BMPR2: variants seen among roughly 807,000 people sequenced by gnomAD.
The protein encoded by BMPR2 is bone morphogenetic protein receptor type 2.
A neutral mutation model predicts 100.8 loss-of-function variants in BMPR2; 29 were observed. The observed-to-expected ratio is 0.29, with a 90% CI of 0.21 to 0.39. The LOEUF (loss-of-function observed/expected upper bound fraction) is 0.39. Ranked by LOEUF, BMPR2 falls within the 10% of genes least tolerant of loss-of-function variation. The probability of loss-of-function intolerance (pLI) is 1.00; values close to 1 mark genes in which losing one functional copy is unlikely to be tolerated. For missense variants in BMPR2, 1,011 were observed against 1,274.5 expected (o/e 0.79, Z 3.15); for synonymous variants, 382 against 442.3 (o/e 0.86, Z 1.71).
intron 12 of BMPR2, among the ~76,000 whole-genome samples, chr2:202,557,464 AACACACAC>A (rs138065331): frequency 0.028 from 3,510 of 125,408 alleles, 79 homozygotes; most frequent in African/African-American, 0.052. Context: ...CTCTGTCTCA[AACACACAC>A]ACACACACAC....
chr2:202,409,570 A>G (rs988133708), intron 1 of BMPR2, among the ~76,000 whole-genome samples: 26 of 152,148 alleles, frequency 1.7e-4, no homozygotes, highest in African/African-American at 5.8e-4. Context: ...AAACAAAAAC[A>G]AAAACAAAAA....
rs1688009930 is a variant in BMPR2, at chr2:202,530,834, C to T, written c.1008C>T (p.Ser336=). The T allele has an allele frequency of 1.2e-6, 2 of 1,613,470 alleles. No individual in the cohort carries two copies. Among genetic ancestry groups the T allele is most frequent in the African/African-American group, 1.3e-5 (1 of 74,840 alleles). ...CAATTTCCCATCGAGATTTAAACAGCAGAAATGTCCTAGTGAAAAATGATG... is the reference window on the plus strand; with the variant it reads ...CAATTTCCCATCGAGATTTAAACAGTAGAAATGTCCTAGTGAAAAATGATG... The part of the protein sequence containing the change: ...KPAISHRDLN[S]RNVLVKNDGT... The change falls in exon 8 of 13, where the codon AGC becomes AGT. Residue 336 remains serine, a synonymous_variant. Coordinates refer to ENST00000374580, the MANE Select transcript of BMPR2 (RefSeq NM_001204.7).
intron 1 of BMPR2, among the ~76,000 whole-genome samples, chr2:202,451,647 C>T (rs535759631): frequency 6.6e-6 from 1 of 152,126 alleles, no homozygotes; most frequent in Admixed American, 6.5e-5. Flanking sequence ...TGCAGTGAGC[C>T]GAGATCGTGC....
At chr2:202,512,123 TA>T in intron 3 of BMPR2, among the ~76,000 whole-genome samples, 1 of 152,326 alleles carries the variant, frequency 6.6e-6, no homozygotes, top group South Asian at 2.1e-4. Context: ...AAATATAGTT[TA>T]GACATTTTAA....
intron 1 of BMPR2, among the ~76,000 whole-genome samples, chr2:202,382,421 C>A (rs1164306641): frequency 1.3e-5 from 2 of 152,026 alleles, no homozygotes; most frequent in African/African-American, 4.8e-5. Context: ...AAACTCCTTA[C>A]CTCAGCTGAT....
At position 202,381,720 on chromosome 2, in the gene BMPR2, T is replaced by C. The variant is rs539967919; in HGVS notation, c.76+4170T>C. Among the ~76,000 whole-genome samples, 101 of 152,320 alleles carry C rather than the reference T, an allele frequency of 6.6e-4. 1 individual carries two copies. Among genetic ancestry groups the C allele is most frequent in the African/African-American group, 2.3e-3 (95 of 41,570 alleles). ...TTACCCTTTGAAGAGGGCCAACCTC[T>C]TAATTAGTTTTTTGCATTAAAATGA... On this transcript the variant is annotated intron_variant, in intron 1 of 12. Transcript: ENST00000374580.
At chr2:202,480,336 G>A (rs530187102) in intron 3 of BMPR2, among the ~76,000 whole-genome samples, 85 of 151,958 alleles carry the variant, frequency 5.6e-4, no homozygotes, top group African/African-American at 1.8e-3. Flanking sequence ...GCCATGTTGG[G>A]CAGGCTGGTC....
intron 1 of BMPR2, among the ~76,000 whole-genome samples, chr2:202,420,085 A>C (rs901477189): frequency 6.6e-5 from 10 of 152,164 alleles, no homozygotes; most frequent in African/African-American, 2.4e-4. Context: ...TTTCATAATA[A>C]TGCTTTTATC....
chr2:202,459,929 A>G (rs767751754), intron 1 of BMPR2, among the ~76,000 whole-genome samples: 1 of 152,148 alleles, frequency 6.6e-6, no homozygotes, highest in Non-Finnish European at 1.5e-5. Flanking sequence ...GAAGAAAGCA[A>G]CCTCGTTAAA....
At chr2:202,471,748 T>TA (rs1234492091) in intron 3 of BMPR2, among the ~76,000 whole-genome samples, 2 of 152,166 alleles carry the variant, frequency 1.3e-5, no homozygotes, top group Non-Finnish European at 2.9e-5. Context: ...AAGAATGTGA[T>TA]AAAGGACATG....
intron 1 of BMPR2, among the ~76,000 whole-genome samples, chr2:202,461,444 A>T (rs1692223226): frequency 6.6e-6 from 1 of 152,150 alleles, no homozygotes; most frequent in Admixed American, 6.5e-5. Context: ...AGATCATGCC[A>T]CTGCACTCCA....
chr2:202,510,595 G>A (rs1687601884), intron 3 of BMPR2, among the ~76,000 whole-genome samples: 1 of 152,120 alleles, frequency 6.6e-6, no homozygotes. Context: ...TTAGTTTTGT[G>A]TGTGTGTATG....
chr2:202,426,755 A>C (rs536895659), intron 1 of BMPR2, among the ~76,000 whole-genome samples: 1 of 152,016 alleles, frequency 6.6e-6, no homozygotes, highest in Non-Finnish European at 1.5e-5. Context: ...GGTGGCATGC[A>C]CTTGCAGTCC....
intron 1 of BMPR2, among the ~76,000 whole-genome samples, chr2:202,450,846 A>G (rs112237496): frequency 4.6e-5 from 7 of 152,178 alleles, no homozygotes; most frequent in African/African-American, 1.7e-4. Flanking sequence ...CATATATTTC[A>G]TAACAGAATT....
In BMPR2 at chr2:202,432,762, A is replaced by T. The variant is rs1274259267; in HGVS notation, c.77-32047A>T. Among the ~76,000 whole-genome samples, 2 of 150,536 alleles carry T rather than the reference A, an allele frequency of 1.3e-5. 1 individual carries two copies. Among genetic ancestry groups the T allele is most frequent in the African/African-American group, 5.0e-5 (2 of 39,904 alleles). On this transcript the variant is annotated intron_variant, in intron 1 of 12. Coordinates refer to ENST00000374580, the MANE Select transcript of BMPR2 (RefSeq NM_001204.7). ...TAGGTACATCTGTTCTGTTTCTCAG[A>T]TTCTGATCTTAAAGTCATTTTATCA...
At chr2:202,557,346 C>A (rs1353983749) in intron 12 of BMPR2, among the ~76,000 whole-genome samples, 3 of 152,114 alleles carry the variant, frequency 2.0e-5, no homozygotes, top group Non-Finnish European at 4.4e-5. Flanking sequence ...CACCTGTAAT[C>A]CCAGCTACTC....
At chr2:202,391,759 C>T (rs1690553554) in intron 1 of BMPR2, among the ~76,000 whole-genome samples, 1 of 151,436 alleles carries the variant, frequency 6.6e-6, no homozygotes, top group African/African-American at 2.4e-5. Context: ...CTACAGTCTA[C>T]ACTTTTTTCT....
intron 9 of BMPR2, among the ~76,000 whole-genome samples, chr2:202,533,767 G>C (rs1400397812): frequency 6.6e-6 from 1 of 152,152 alleles, no homozygotes; most frequent in Non-Finnish European, 1.5e-5. Context: ...AGGTTGCAGT[G>C]AGCTGAGATC....
chr2:202,543,206 T>A (rs910776892), intron 10 of BMPR2, among the ~76,000 whole-genome samples: 2 of 146,768 alleles, frequency 1.4e-5, no homozygotes, highest in East Asian at 3.9e-4. Context: ...ATATATATAT[T>A]TATATACATA....
Sources: gnomAD v4.1 joint callset for allele counts (sites outside exome capture counted in the v4.1 genomes callset) on GRCh38, gnomAD v4.1.1 for gene constraint, MANE v1.5 for transcripts, NCBI Gene and HGNC (gene_info 2026-07-23, HGNC 2026-07-21) for gene names.